ASAP2: variants seen among roughly 807,000 people sequenced by gnomAD.
The protein encoded by ASAP2 is arf-GAP with SH3 domain, ANK repeat and PH domain-containing protein 2.
A neutral mutation model predicts 131.4 loss-of-function variants in ASAP2; 45 were observed. The observed-to-expected ratio is 0.34, with a 90% CI of 0.27 to 0.44. ASAP2 has a LOEUF of 0.44. ASAP2 is among the 20% of genes least tolerant of loss of function. The pLI is 1.00. For synonymous variants in ASAP2, 510 were observed against 503.0 expected, an observed-to-expected ratio of 1.01 and a Z score of -0.19; for missense variants, 1,011 against 1,297.0, an observed-to-expected ratio of 0.78 and a Z score of 3.39.
At chr2:9,363,030 A>G (rs773273916) in intron 15 of ASAP2, among the ~76,000 whole-genome samples, 44 of 152,186 alleles carry the variant, frequency 2.9e-4, no homozygotes, top group Non-Finnish European at 5.3e-4. Flanking sequence ...GATTTTGCAT[A>G]TAAATGAGAT....
In ASAP2 at chr2:9,389,518, G is replaced by A. The variant is rs1675554947; in HGVS notation, c.2383+972G>A. Among the ~76,000 whole-genome samples the A allele has an allele frequency of 6.6e-6, 1 of 152,254 alleles. No individual in the cohort carries two copies. The highest frequency in any genetic ancestry group is 1.5e-5 in the Non-Finnish European group (1 of 68,048). ...AGGCCGGGAGACCTGGCCCAGGGCT[G>A]AGCAGACGGCTGCAGCTTTGTGCTG... On this transcript the variant is annotated intron_variant, in intron 22 of 27. Transcript: ENST00000281419. The surrounding 1 kb of genome is among the most constrained non-coding windows in gnomAD (Gnocchi z 4.7).
At chr2:9,386,392 A>T (rs1356026587) in intron 21 of ASAP2, among the ~76,000 whole-genome samples, 1 of 152,156 alleles carries the variant, frequency 6.6e-6, no homozygotes, top group African/African-American at 2.4e-5. Flanking sequence ...GCCTTAAAAA[A>T]AAAAAGCTGG....
rs1454703040 is a variant in ASAP2, at chr2:9,403,595, A to G, written c.*268A>G. ...TGAAAAGTTATTTTAACTATTATAC[A>G]TAATCAAGATCCTGCCTCTACGGAA... On this transcript the variant is annotated 3_prime_UTR_variant, in exon 28 of 28. Transcript: ENST00000281419. 2 of 416,176 alleles carry G rather than the reference A, an allele frequency of 4.8e-6. No individual in the cohort carries two copies. Among genetic ancestry groups the G allele is most frequent in the Non-Finnish European group, 4.3e-6 (1 of 233,388 alleles). 25.8% of individuals were successfully genotyped at this position (416,176 alleles called of 1,614,324 possible). A position where few individuals can be genotyped will look rare whatever the true frequency, so the allele number is the denominator to read the frequency against.
chr2:9,267,846 C>A (rs1666045301), intron 1 of ASAP2, among the ~76,000 whole-genome samples: 1 of 131,394 alleles, frequency 7.6e-6, no homozygotes, highest in African/African-American at 3.0e-5. Context: ...TGTAGTGAGT[C>A]GAGAATGCAC....
chr2:9,232,988 A>G lies in ASAP2; in HGVS notation c.126+25758A>G, dbSNP rs1663275429. Among the ~76,000 whole-genome samples the G allele has an allele frequency of 6.6e-6, 1 of 152,242 alleles. No individual in the cohort carries two copies. Among genetic ancestry groups the G allele is most frequent in the Non-Finnish European group, 1.5e-5 (1 of 68,044 alleles). ...TGTATCTATTGCCAGCAGGAATCCA[A>G]GGATTTCCTTTATTATTTCCAAATT... On this transcript the variant is annotated intron_variant, in intron 1 of 27. Transcript: ENST00000281419. The surrounding 1 kb of genome is among the most constrained non-coding windows in gnomAD (Gnocchi z 4.1).
intron 1 of ASAP2, among the ~76,000 whole-genome samples, chr2:9,241,371 C>A (rs1663954436): frequency 6.6e-6 from 1 of 152,178 alleles, no homozygotes; most frequent in African/African-American, 2.4e-5. Flanking sequence ...TGTCCTATTA[C>A]CACTTTGCAT....
chr2:9,301,736 G>C (rs2148413282), intron 3 of ASAP2, among the ~76,000 whole-genome samples: 1 of 152,246 alleles, frequency 6.6e-6, no homozygotes, highest in African/African-American at 2.4e-5. Flanking sequence ...GAGATCTGAG[G>C]TGACCCTGGG....
At chr2:9,359,730 A>G (rs2715868) in intron 15 of ASAP2, among the ~76,000 whole-genome samples, 4,928 of 152,324 alleles carry the variant, frequency 0.032, 249 homozygotes, top group African/African-American at 0.1. Flanking sequence ...TCAAGGGGCC[A>G]TCAGTCTTAT....
At chr2:9,295,256 C>G (rs62121303) in intron 2 of ASAP2, among the ~76,000 whole-genome samples, 29,713 of 152,154 alleles carry the variant, frequency 0.2, 3,373 homozygotes, top group Non-Finnish European at 0.27. Flanking sequence ...GGGTTTGAAT[C>G]CCAGCTCTGC....
intron 22 of ASAP2, 92 bp downstream of exon 22, chr2:9,388,638 C>T: frequency 6.7e-7 from 1 of 1,496,990 alleles, no homozygotes; most frequent in Non-Finnish European, 8.9e-7. Context: ...AACTCAGTGA[C>T]CTTTGGGCTC....
Position 9,297,460 on chromosome 2 carries a change from G to A in ASAP2, c.345+15G>A, listed in dbSNP as rs1016726141. 1 of 1,613,636 alleles carries A rather than the reference G, an allele frequency of 6.2e-7. No individual in the cohort carries two copies. The highest frequency in any genetic ancestry group is 1.1e-5 in the South Asian group (1 of 91,076). ...TCAAAAACCTGGTAAGCAGCTCTGTGTATGAAATGCTGCGGTTACTTCAGT... is the reference window on the plus strand; with the variant it reads ...TCAAAAACCTGGTAAGCAGCTCTGTATATGAAATGCTGCGGTTACTTCAGT... On this transcript the variant is annotated intron_variant, in intron 3 of 27. Coordinates refer to ENST00000281419, the MANE Select transcript of ASAP2 (RefSeq NM_003887.3).
intron 19 of ASAP2, 44 bp downstream of exon 19, chr2:9,379,103 G>A: frequency 7.3e-7 from 1 of 1,365,230 alleles, no homozygotes; most frequent in African/African-American, 1.5e-5. Flanking sequence ...CTGCACCCTG[G>A]CCTCTGCCTC....
chr2:9,330,509 C>T lies in ASAP2; in HGVS notation c.686+2598C>T, dbSNP rs1012074201. On this transcript the variant is annotated intron_variant, in intron 7 of 27. Transcript: ENST00000281419. The stretch of plus-strand genomic sequence containing the variant: ...GATACCCTAAAAGCCCTAAGTTGAC[C>T]ACCAGGCCTATAACAAAACTGCACT... 5.3e-5 allele frequency among the ~76,000 whole-genome samples: 8 copies of T among 152,004 alleles called. No individual in the cohort carries two copies. The East Asian group carries it at 1.4e-3, about 26-fold the overall frequency.
intron 1 of ASAP2, among the ~76,000 whole-genome samples, chr2:9,267,195 G>A (rs1233898234): frequency 1.3e-5 from 2 of 151,970 alleles, no homozygotes; most frequent in Non-Finnish European, 2.9e-5. Context: ...GGTTTGCTAC[G>A]TGGGATATAT....
intron 9 of ASAP2, among the ~76,000 whole-genome samples, chr2:9,343,410 T>TACTC (rs774083909): frequency 1.3e-4 from 19 of 142,926 alleles, no homozygotes; most frequent in Non-Finnish European, 2.4e-4. Context: ...GGTGGCCTCC[T>TACTC]ACTCTCAACT....
chr2:9,392,983 C>T lies in ASAP2; in HGVS notation c.2519-499C>T, dbSNP rs555410011. On this transcript the variant is annotated intron_variant, in intron 23 of 27. Transcript: ENST00000281419. The surrounding 1 kb of genome is among the most constrained non-coding windows in gnomAD (Gnocchi z 4.0). ...ACGTAGACACTAAGAAAGCTCTTCA[C>T]CCACCCACTCCGGAGACTGAGGAGC... Among the ~76,000 whole-genome samples the T allele has an allele frequency of 2.6e-5, 4 of 152,344 alleles. No homozygotes were observed. The highest frequency in any genetic ancestry group is 9.6e-5 in the African/African-American group (4 of 41,576).
At chr2:9,399,110 T>C (rs1206750161) in intron 24 of ASAP2, 1 of 152,270 alleles carries the variant, frequency 6.6e-6, no homozygotes, top group Non-Finnish European at 1.5e-5. Context: ...ACCCATGTGA[T>C]GTTTTCTCTC....
At chr2:9,338,400 G>C (rs1671363342) in intron 9 of ASAP2, among the ~76,000 whole-genome samples, 1 of 151,764 alleles carries the variant, frequency 6.6e-6, no homozygotes, top group Non-Finnish European at 1.5e-5. Flanking sequence ...ATCCTGTCTA[G>C]TAGGATGTGA....
At chr2:9,397,513 C>T (rs945074758) in intron 24 of ASAP2, among the ~76,000 whole-genome samples, 5 of 151,854 alleles carry the variant, frequency 3.3e-5, no homozygotes, top group Admixed American at 1.3e-4. Flanking sequence ...CACACCGGTA[C>T]GCCCTCCTTG....
Sources: allele counts gnomAD v4.1 joint callset (sites outside exome capture counted in the v4.1 genomes callset), GRCh38; gene constraint gnomAD v4.1.1; non-coding constraint Gnocchi (gnomAD v3.1); transcripts MANE v1.5; gene names NCBI Gene and HGNC (gene_info 2026-07-23, HGNC 2026-07-21).